The following SH3BGRL variants were observed in gnomAD, a reference collection of about 807,000 sequenced individuals.
SH3BGRL encodes the protein SH3 domain binding glutamate rich protein like.
In SH3BGRL, 7 loss-of-function variants were observed where a neutral mutation model predicts 9.8. That is an observed-to-expected ratio of 0.72 (90% CI 0.41 to 1.35). The LOEUF (loss-of-function observed/expected upper bound fraction) is 1.35. SH3BGRL is among the 40% of genes most tolerant of loss of function. The probability of loss-of-function intolerance (pLI) is 0.01; values close to 1 mark genes in which losing one functional copy is unlikely to be tolerated. For missense variants in SH3BGRL, 73 were observed against 84.4 expected, an observed-to-expected ratio of 0.86 and a Z score of 0.53; for synonymous variants, 36 against 29.1, an observed-to-expected ratio of 1.24 and a Z score of -0.76.
intron 1 of SH3BGRL, among the ~76,000 whole-genome samples, chrX:81,251,911 T>C (rs1237206851): frequency 8.9e-6 from 1 of 111,923 alleles, no homozygotes; most frequent in East Asian, 2.8e-4. Flanking sequence ...TTCAAATTAT[T>C]TCTTAACACT....
intron 3 of SH3BGRL, among the ~76,000 whole-genome samples, chrX:81,289,221 A>G (rs776326348): frequency 8.9e-6 from 1 of 112,244 alleles, no homozygotes; most frequent in South Asian, 3.7e-4. Context: ...CTGGACATCC[A>G]TATGCAGAAG....
intron 1 of SH3BGRL, among the ~76,000 whole-genome samples, chrX:81,217,355 G>A (rs192232875): frequency 2.0e-3 from 218 of 109,719 alleles, no homozygotes; most frequent in African/African-American, 6.8e-3. Context: ...TGTGAGCTTA[G>A]ATGGTCTATT....
At chrX:81,278,222 C>G (rs752394559) in intron 2 of SH3BGRL, 109 bp from the exon 3 acceptor site, 1 of 528,515 alleles carries the variant, frequency 1.9e-6, no homozygotes, top group Non-Finnish European at 3.0e-6. Context: ...CTCGGCCTCC[C>G]AAAGTGTTGG....
intron 1 of SH3BGRL, chrX:81,255,368 G>T (rs919671617): frequency 9.0e-6 from 1 of 111,681 alleles, no homozygotes; most frequent in African/African-American, 3.3e-5. Flanking sequence ...AGTTAATAAA[G>T]CATGCTATTT....
chrX:81,239,546 A>C (rs371029149), intron 1 of SH3BGRL, among the ~76,000 whole-genome samples: 23 of 111,875 alleles, frequency 2.1e-4, no homozygotes, highest in African/African-American at 7.2e-4. Flanking sequence ...GGAAAAGGGC[A>C]AATCTAAAAG....
intron 1 of SH3BGRL, among the ~76,000 whole-genome samples, chrX:81,237,884 A>T (rs1428730803): frequency 9.4e-6 from 1 of 105,957 alleles, no homozygotes; most frequent in Non-Finnish European, 1.9e-5. Context: ...TTTGTCTTGT[A>T]TCTTGGATAC....
intron 3 of SH3BGRL, among the ~76,000 whole-genome samples, chrX:81,289,612 C>T (rs2075850234): frequency 9.0e-6 from 1 of 111,323 alleles, no homozygotes; most frequent in Non-Finnish European, 1.9e-5. Context: ...AATCCCAGCA[C>T]TTTGGGAGAC....
At chrX:81,263,962 A>G (rs757212823) in intron 1 of SH3BGRL, among the ~76,000 whole-genome samples, 2 of 108,893 alleles carry the variant, frequency 1.8e-5, no homozygotes, top group South Asian at 8.3e-4. Flanking sequence ...TGGTCCAGAA[A>G]CCAGAGGCCT....
chrX:81,288,195 T>A (rs2075843421), intron 3 of SH3BGRL, among the ~76,000 whole-genome samples: 1 of 112,157 alleles, frequency 8.9e-6, no homozygotes, highest in Admixed American at 9.5e-5. Flanking sequence ...AACCATCTGA[T>A]CATTTCAATT....
chrX:81,261,224 A>G (rs1478607337), intron 1 of SH3BGRL, among the ~76,000 whole-genome samples: 2 of 111,550 alleles, frequency 1.8e-5, no homozygotes, highest in Non-Finnish European at 3.8e-5. Flanking sequence ...GTGACTGTGG[A>G]TAAATTTACT....
In SH3BGRL at chrX:81,297,608, C is replaced by G. The variant is rs1443802851; in HGVS notation, c.*381C>G. 2 of 119,412 alleles carry G rather than the reference C, an allele frequency of 1.7e-5. No homozygotes were observed. Among genetic ancestry groups the G allele is most frequent in the African/African-American group, 6.4e-5 (2 of 31,097 alleles). 9.8% of individuals were successfully genotyped at this position (119,412 alleles called of 1,213,427 possible). A position where few individuals can be genotyped will look rare whatever the true frequency, so the allele number is the denominator to read the frequency against. ...AAGGAGAAAGAGAAATAACCTGTCT[C>G]TCATTCCTAAGTTGCCTCATTAATT... On this transcript the variant is annotated 3_prime_UTR_variant, in exon 4 of 4. Transcript: ENST00000373212.
intron 3 of SH3BGRL, among the ~76,000 whole-genome samples, chrX:81,290,753 C>A (rs920692443): frequency 5.4e-5 from 6 of 110,724 alleles, no homozygotes; most frequent in African/African-American, 2.0e-4. Flanking sequence ...ACAAACAATA[C>A]ATATTGGAGT....
rs185821263 is a variant in SH3BGRL, at chrX:81,298,100, C to G, written c.*873C>G. 1 of 111,843 alleles carries G rather than the reference C, an allele frequency of 8.9e-6. No individual in the cohort carries two copies. Among genetic ancestry groups the G allele is most frequent in the East Asian group, 2.8e-4 (1 of 3,561 alleles). 9.2% of individuals were successfully genotyped at this position (111,843 alleles called of 1,213,427 possible). A position where few individuals can be genotyped will look rare whatever the true frequency, so the allele number is the denominator to read the frequency against. On this transcript the variant is annotated 3_prime_UTR_variant, in exon 4 of 4. Transcript: ENST00000373212. ...GGTTTCCCTTGAGTTTTTGCTAAAA[C>G]AAATCTTAGTAGTTTTGCCCGTTTA...
chrX:81,271,658 T>C (rs2075780116), intron 1 of SH3BGRL, among the ~76,000 whole-genome samples: 1 of 111,109 alleles, frequency 9.0e-6, no homozygotes, highest in African/African-American at 3.3e-5. Flanking sequence ...TGGAAACAAG[T>C]TGGAAAACAC....
intron 1 of SH3BGRL, among the ~76,000 whole-genome samples, chrX:81,262,326 C>T (rs2075743726): frequency 9.0e-6 from 1 of 111,628 alleles, no homozygotes; most frequent in Admixed American, 9.6e-5. Flanking sequence ...AAGTCCGTTG[C>T]TATAATATGC....
chrX:81,233,968 T>G (rs2075640161), intron 1 of SH3BGRL, among the ~76,000 whole-genome samples: 2 of 111,959 alleles, frequency 1.8e-5, no homozygotes, highest in African/African-American at 6.5e-5. Context: ...CCATCTTAAC[T>G]GCCTAGATAT....
chrX:81,284,682 A>G (rs758056747), intron 3 of SH3BGRL, among the ~76,000 whole-genome samples: 1 of 111,306 alleles, frequency 9.0e-6, no homozygotes, highest in African/African-American at 3.3e-5. Flanking sequence ...TTGAAAGTAT[A>G]AGGCAGGAGG....
intron 1 of SH3BGRL, among the ~76,000 whole-genome samples, chrX:81,254,929 T>C (rs2075721074): frequency 9.3e-6 from 1 of 106,954 alleles, no homozygotes; most frequent in Non-Finnish European, 1.9e-5. Flanking sequence ...TCTCGCTCTG[T>C]TGCCAGGCTG....
intron 1 of SH3BGRL, among the ~76,000 whole-genome samples, chrX:81,271,341 C>T (rs773633571): frequency 2.7e-5 from 3 of 111,950 alleles, no homozygotes; most frequent in Non-Finnish European, 3.8e-5. Context: ...AATCTCACTG[C>T]GAGTTGTAGA....
Sources: allele counts gnomAD v4.1 joint callset (sites outside exome capture counted in the v4.1 genomes callset), GRCh38; gene constraint gnomAD v4.1.1; transcripts MANE v1.5; gene names NCBI Gene and HGNC (gene_info 2026-07-23, HGNC 2026-07-21).